TLL1: variants seen among roughly 807,000 people sequenced by gnomAD.
The protein encoded by TLL1 is tolloid like 1, also known as tolloid-like protein 1.
In TLL1, 49 loss-of-function variants were observed where a neutral mutation model predicts 128.2. The ratio of observed to expected loss-of-function variants is 0.38; its 90% CI spans 0.30 to 0.48. TLL1 has a LOEUF of 0.48. TLL1 is among the 20% of genes least tolerant of loss of function. The probability of loss-of-function intolerance (pLI) is 0.96; values close to 1 mark genes in which losing one functional copy is unlikely to be tolerated. For missense variants in TLL1, 1,123 were observed against 1,242.0 expected (o/e 0.90, Z 1.44); for synonymous variants, 454 against 418.8 (o/e 1.08, Z -1.03).
intron 1 of TLL1, among the ~76,000 whole-genome samples, chr4:165,986,515 C>T (rs2111005210): frequency 1.3e-5 from 2 of 152,130 alleles, no homozygotes; most frequent in South Asian, 4.1e-4. Context: ...TTGGCTTAGT[C>T]ACTCACTATT....
chr4:166,085,030 T>G lies in TLL1; in HGVS notation c.2443-6098T>G, dbSNP rs191530098. 2.6e-5 allele frequency among the ~76,000 whole-genome samples: 4 copies of G among 152,186 alleles called. No homozygotes were observed. In the East Asian group the frequency reaches 5.8e-4, roughly 22 times the overall value. On this transcript the variant is annotated intron_variant, in intron 18 of 20. Transcript: ENST00000061240. ...TAAATTTATTTCAAAGTATTTTAAT[T>G]TTTGGAGCTGTTGTAAATGGTATTG...
intron 1 of TLL1, among the ~76,000 whole-genome samples, chr4:165,938,639 T>C (rs1733870204): frequency 6.6e-6 from 1 of 152,156 alleles, no homozygotes; most frequent in Non-Finnish European, 1.5e-5. Flanking sequence ...GTTTTATATG[T>C]TGACAAATTA....
At chr4:165,936,876 T>A (rs866178077) in intron 1 of TLL1, among the ~76,000 whole-genome samples, 1 of 152,132 alleles carries the variant, frequency 6.6e-6, no homozygotes, top group African/African-American at 2.4e-5. Flanking sequence ...GAGATTGCCG[T>A]GAGCCGAGAT....
chr4:166,049,535 G>GA (rs972014094), intron 12 of TLL1, among the ~76,000 whole-genome samples: 3 of 151,720 alleles, frequency 2.0e-5, no homozygotes, highest in African/African-American at 7.3e-5. Context: ...GAATCATGAA[G>GA]AAAAAAATGA....
chr4:165,909,609 G>A (rs2110869063), intron 1 of TLL1, among the ~76,000 whole-genome samples: 1 of 152,298 alleles, frequency 6.6e-6, no homozygotes, highest in African/African-American at 2.4e-5. Flanking sequence ...GCCACTGAAT[G>A]TGGGAAAAGC....
intron 8 of TLL1, among the ~76,000 whole-genome samples, chr4:166,021,035 G>A (rs942783210): frequency 6.6e-6 from 1 of 152,174 alleles, no homozygotes; most frequent in African/African-American, 2.4e-5. Flanking sequence ...CACACATGGA[G>A]TCTGAATGCA....
chr4:165,896,664 T>C (rs567326327), intron 1 of TLL1, among the ~76,000 whole-genome samples: 1 of 152,062 alleles, frequency 6.6e-6, no homozygotes, highest in African/African-American at 2.4e-5. Context: ...TTTGTATTTT[T>C]AGTAGAGACA....
chr4:166,010,540 T>G (rs2111045142), intron 7 of TLL1, among the ~76,000 whole-genome samples: 1 of 150,866 alleles, frequency 6.6e-6, no homozygotes, highest in South Asian at 2.1e-4. Flanking sequence ...ACCACTTAAT[T>G]TATATATGTA....
At chr4:165,921,500 A>T (rs2110889178) in intron 1 of TLL1, among the ~76,000 whole-genome samples, 1 of 152,172 alleles carries the variant, frequency 6.6e-6, no homozygotes, top group East Asian at 1.9e-4. Context: ...TTCTTTCTTA[A>T]CACTGTTTCT....
intron 1 of TLL1, among the ~76,000 whole-genome samples, chr4:165,977,893 G>A (rs1038966278): frequency 6.6e-6 from 1 of 152,066 alleles, no homozygotes; most frequent in Non-Finnish European, 1.5e-5. Context: ...ATACATTTCT[G>A]TATATATATG....
intron 20 of TLL1, among the ~76,000 whole-genome samples, chr4:166,099,831 C>T (rs1354308261): frequency 1.3e-5 from 2 of 152,076 alleles, no homozygotes; most frequent in Non-Finnish European, 2.9e-5. Flanking sequence ...CTTAATCTAA[C>T]AGCAGCATAT....
At chr4:165,929,951 A>G (rs1380720348) in intron 1 of TLL1, among the ~76,000 whole-genome samples, 11 of 152,186 alleles carry the variant, frequency 7.2e-5, no homozygotes, top group Non-Finnish European at 1.5e-5. Context: ...GACATTTGGC[A>G]AACTCTTTTT....
rs189406916 is a variant in TLL1 at position 166,033,374 on chromosome 4, G to T, written c.1159-5965G>T. 3.1e-4 allele frequency among the ~76,000 whole-genome samples: 47 copies of T among 150,340 alleles called. No individual in the cohort carries two copies. The East Asian group carries it at 6.4e-3, about 20-fold the overall frequency. On this transcript the variant is annotated intron_variant, in intron 9 of 20. Transcript: ENST00000061240. ...AAATCAAAAGTTAGTGGTATGAGAA[G>T]TTCTGTAATTTAAATTATGTACATT... is the stretch of plus-strand genomic sequence containing the variant.
chr4:166,030,839 C>T (rs920457824), intron 9 of TLL1: 10 of 1,005,988 alleles, frequency 9.9e-6, no homozygotes, highest in East Asian at 9.6e-5. Context: ...TTTAAATTAG[C>T]GTTTTTGTTT....
At chr4:165,894,192 G>A (rs1312792570) in intron 1 of TLL1, among the ~76,000 whole-genome samples, 1 of 152,126 alleles carries the variant, frequency 6.6e-6, no homozygotes, top group African/African-American at 2.4e-5. Context: ...CAGTAGATCT[G>A]TGTGATCTAA....
At chr4:166,004,199 T>C (rs1469745891) in intron 6 of TLL1, among the ~76,000 whole-genome samples, 1 of 152,180 alleles carries the variant, frequency 6.6e-6, no homozygotes, top group African/African-American at 2.4e-5. Flanking sequence ...GTAAGACTTT[T>C]TAACTTTTAC....
chr4:166,026,169 C>G (rs1738481755), intron 9 of TLL1, among the ~76,000 whole-genome samples: 1 of 152,000 alleles, frequency 6.6e-6, no homozygotes. Flanking sequence ...GGGCGGATCA[C>G]TCGAGGTCAG....
chr4:165,976,488 A>G (rs1431619118), intron 1 of TLL1, among the ~76,000 whole-genome samples: 1 of 152,210 alleles, frequency 6.6e-6, no homozygotes, highest in African/African-American at 2.4e-5. Flanking sequence ...TCTTATATTA[A>G]TTTACATAGA....
intron 13 of TLL1, 48 bp from the exon 14 acceptor site, chr4:166,057,136 C>G: frequency 6.2e-7 from 1 of 1,601,866 alleles, no homozygotes; most frequent in Non-Finnish European, 8.5e-7. Context: ...CACATACATA[C>G]ACACATATAT....
Sources: allele counts gnomAD v4.1 joint callset (sites outside exome capture counted in the v4.1 genomes callset), GRCh38; gene constraint gnomAD v4.1.1; transcripts MANE v1.5; gene names NCBI Gene and HGNC (gene_info 2026-07-23, HGNC 2026-07-21).